The following KDM1B variants were observed in gnomAD, a reference collection of about 807,000 sequenced individuals.
KDM1B encodes lysine-specific histone demethylase 2.
In KDM1B, 63 loss-of-function variants were observed where a neutral mutation model predicts 107.4. That is an observed-to-expected ratio of 0.59 (90% confidence interval 0.48 to 0.72). The LOEUF is 0.72. Ranked by LOEUF, KDM1B falls within the 30% of genes least tolerant of loss-of-function variation. The probability of loss-of-function intolerance (pLI) is 0.00; values close to 1 mark genes in which losing one functional copy is unlikely to be tolerated. For missense variants in KDM1B, 749 were observed against 1,020.8 expected (o/e 0.73, Z 3.63); for synonymous variants, 363 against 363.9 (o/e 1.00, Z 0.03).
intron 7 of KDM1B, among the ~76,000 whole-genome samples, chr6:18,171,945 C>T (rs193155110): frequency 5.9e-5 from 9 of 152,308 alleles, no homozygotes; most frequent in African/African-American, 1.9e-4. Context: ...ATTTATATCT[C>T]ATTGGCGAGA....
Position 18,212,596 on chromosome 6 carries a change from A to G in KDM1B, c.1975A>G (p.Ile659Val). Residue 659 changes from isoleucine (I) to valine (V), a missense_variant, in exon 18 of 22, where the codon ATT becomes GTT. Coordinates refer to ENST00000650836, the MANE Select transcript of KDM1B (RefSeq NM_001364614.2). The surrounding 1 kb of genome is among the most constrained non-coding windows in gnomAD (Gnocchi z 5.2). ...KAINSLGAGI[I>V]EKIALQFPYR... ...TATCAACAGCTTAGGCGCAGGCATC[A>G]TTGAAAAGGTGACTGAAATGACCTC... 6.2e-7 allele frequency: 1 copy of G among 1,607,716 alleles called. No homozygotes were observed. The highest frequency in any genetic ancestry group is 8.5e-7 in the Non-Finnish European group (1 of 1,174,014).
At chr6:18,180,560 T>G (rs1369932022) in intron 7 of KDM1B, among the ~76,000 whole-genome samples, 1 of 152,180 alleles carries the variant, frequency 6.6e-6, no homozygotes, top group Non-Finnish European at 1.5e-5. Context: ...GCTGTGATTT[T>G]GTTGTTGTGG....
intron 7 of KDM1B, among the ~76,000 whole-genome samples, chr6:18,175,966 A>G (rs1008253332): frequency 6.6e-6 from 1 of 151,710 alleles, no homozygotes; most frequent in South Asian, 2.1e-4. Context: ...TTTTGGTTCC[A>G]TATGAGTTTT....
chr6:18,169,673 T>C (rs1429474622), intron 6 of KDM1B, among the ~76,000 whole-genome samples: 5 of 152,146 alleles, frequency 3.3e-5, no homozygotes, highest in Admixed American at 1.3e-4. Flanking sequence ...TTTTTTTCTT[T>C]TGTTGCTTTT....
At chr6:18,216,560 T>G (rs1255405671) in intron 20 of KDM1B, among the ~76,000 whole-genome samples, 1 of 152,214 alleles carries the variant, frequency 6.6e-6, no homozygotes, top group Non-Finnish European at 1.5e-5. Flanking sequence ...TCGCTCTCTC[T>G]TACTCGAGGC....
At chr6:18,220,531 G>GT (rs1422195193) in intron 21 of KDM1B, among the ~76,000 whole-genome samples, 5 of 152,164 alleles carry the variant, frequency 3.3e-5, no homozygotes, top group Non-Finnish European at 7.3e-5. Flanking sequence ...GGGAGACAGA[G>GT]TGAGACTCTT....
rs148691201 is a variant in KDM1B, at chr6:18,204,661, A to G, written c.1532-876A>G. ...TATAAAGGAATGTAAGACAAAAATG[A>G]TATCACAGGGCTGTGTCCATATAGT... is the stretch of plus-strand genomic sequence containing the variant. On this transcript the variant is annotated intron_variant, in intron 14 of 21. Transcript: ENST00000650836. The surrounding 1 kb of genome is among the most constrained non-coding windows in gnomAD (Gnocchi z 4.9). Among the ~76,000 whole-genome samples, 5 of 152,340 alleles carry G rather than the reference A, an allele frequency of 3.3e-5. No homozygotes were observed. Among genetic ancestry groups the G allele is most frequent in the African/African-American group, 4.8e-5 (2 of 41,588 alleles).
rs994822087 is a variant in KDM1B, at chr6:18,172,088, G to T, written c.534+609G>T. Among the ~76,000 whole-genome samples, 1 of 152,138 alleles carries T rather than the reference G, an allele frequency of 6.6e-6. No individual in the cohort carries two copies. Among genetic ancestry groups the T allele is most frequent in the Admixed American group, 6.5e-5 (1 of 15,270 alleles). Reference sequence around the variant, plus strand: ...AGGACAGAGGAAGAAAATATTTTACGACTGAGGATGTTGCAACACTAAACA... The same window carrying T: ...AGGACAGAGGAAGAAAATATTTTACTACTGAGGATGTTGCAACACTAAACA... On this transcript the variant is annotated intron_variant, in intron 7 of 21. Transcript: ENST00000650836. This position sits in a 1 kb window ranked among gnomAD's most constrained non-coding sequence, Gnocchi z 5.2.
Position 18,191,468 on chromosome 6 carries a change from T to A in KDM1B, c.969+87T>A. On this transcript the variant is annotated intron_variant, in intron 10 of 21. Coordinates refer to ENST00000650836, the MANE Select transcript of KDM1B (RefSeq NM_001364614.2). The surrounding 1 kb of genome is among the most constrained non-coding windows in gnomAD (Gnocchi z 5.1). ...GATACTTCATCTGGGGATGGAACCT[T>A]TTATGCCAGGGTTTCTCAGCCGTGC... 4 of 1,368,940 alleles carry A rather than the reference T, an allele frequency of 2.9e-6. No individual in the cohort carries two copies. The highest frequency in any genetic ancestry group is 3.9e-6 in the Non-Finnish European group (4 of 1,014,930). The allele number at this position is 1,368,940 out of a possible 1,614,324, so 84.8% of individuals were successfully genotyped here. A position where few individuals can be genotyped will look rare whatever the true frequency, so the allele number is the denominator to read the frequency against.
In KDM1B at chr6:18,213,912, G is replaced by A; in HGVS notation, c.2109+131G>A. On this transcript the variant is annotated intron_variant, in intron 19 of 21. Coordinates refer to ENST00000650836, the MANE Select transcript of KDM1B (RefSeq NM_001364614.2). The surrounding 1 kb of genome is among the most constrained non-coding windows in gnomAD (Gnocchi z 5.9). ...ACCCTGGGTCTATGTTTATATTCTGGGAGGACACTTGGACTGGACATTTTC... is the reference window on the plus strand; with the variant it reads ...ACCCTGGGTCTATGTTTATATTCTGAGAGGACACTTGGACTGGACATTTTC... 6 of 1,002,008 alleles carry A rather than the reference G, an allele frequency of 6.0e-6. No individual in the cohort carries two copies. Among genetic ancestry groups the A allele is most frequent in the Non-Finnish European group, 9.0e-6 (6 of 667,326 alleles). 62.1% of individuals were successfully genotyped at this position (1,002,008 alleles called of 1,614,324 possible). A position where few individuals can be genotyped will look rare whatever the true frequency, so the allele number is the denominator to read the frequency against.
chr6:18,185,055 A>G (rs1224947357), intron 7 of KDM1B, among the ~76,000 whole-genome samples: 1 of 152,004 alleles, frequency 6.6e-6, no homozygotes, highest in Non-Finnish European at 1.5e-5. Flanking sequence ...TTGAATACAA[A>G]TAATGCTCCT....
Position 18,200,536 on chromosome 6 carries a change from A to G in KDM1B, c.1319A>G (p.Asn440Ser), listed in dbSNP as rs1204025281. The change falls in exon 13 of 22, where the codon AAT becomes AGT. Residue 440 changes from asparagine to serine, a missense_variant. Asn to Ser is a conservative substitution (Grantham distance 46). Coordinates refer to ENST00000650836, the MANE Select transcript of KDM1B (RefSeq NM_001364614.2). This position sits in a 1 kb window ranked among gnomAD's most constrained non-coding sequence, Gnocchi z 4.3. ...GTGGGAAGAGGAGCTCAGATTGTCAATGGGTGTATTAACAACCCAGTAGCA... is the reference window on the plus strand; with the variant it reads ...GTGGGAAGAGGAGCTCAGATTGTCAGTGGGTGTATTAACAACCCAGTAGCA... The part of the protein sequence containing the change: ...VTVGRGAQIV[N>S]GCINNPVALM... 3.7e-6 allele frequency: 6 copies of G among 1,613,980 alleles called. No homozygotes were observed. The highest frequency in any genetic ancestry group is 1.7e-5 in the Admixed American group (1 of 60,014).
At chr6:18,217,584 A>G (rs1561958849) in intron 20 of KDM1B, 149 bp from the exon 21 acceptor site, 12 of 582,696 alleles carry the variant, frequency 2.1e-5, no homozygotes, top group Middle Eastern at 8.8e-4. Context: ...TCACCGTGTT[A>G]GCCAGGATCG....
chr6:18,167,621 A>C (rs968029945), intron 6 of KDM1B, among the ~76,000 whole-genome samples: 1 of 150,914 alleles, frequency 6.6e-6, no homozygotes, highest in Admixed American at 6.6e-5. Flanking sequence ...CTCTCCGCAC[A>C]TGCTACCACG....
chr6:18,168,102 G>A (rs1256153038), intron 6 of KDM1B, among the ~76,000 whole-genome samples: 1 of 152,120 alleles, frequency 6.6e-6, no homozygotes, highest in Non-Finnish European at 1.5e-5. Context: ...GCTGAGCTTT[G>A]TGCACGCTTA....
chr6:18,202,813 A>G (rs903478865), intron 14 of KDM1B, among the ~76,000 whole-genome samples: 30 of 152,132 alleles, frequency 2.0e-4, no homozygotes, highest in Admixed American at 1.4e-3. Context: ...GCAACCCACC[A>G]CCTCTAGGAG....
rs1787728677 is a variant in KDM1B at position 18,197,548 on chromosome 6, A to G, written c.1147-39A>G. The G allele has an allele frequency of 1.3e-6, 2 of 1,502,486 alleles. No homozygotes were observed. The highest frequency in any genetic ancestry group is 1.9e-6 in the Non-Finnish European group (2 of 1,080,468). The allele number at this position is 1,502,486 out of a possible 1,614,324, so 93.1% of individuals were successfully genotyped here. A position where few individuals can be genotyped will look rare whatever the true frequency, so the allele number is the denominator to read the frequency against. ...ACAACTAAAACAGGACGTTGTTATC[A>G]TCTGCTCTAATTGGACTTTTGTTTC... is the stretch of plus-strand genomic sequence containing the variant. On this transcript the variant is annotated intron_variant, in intron 11 of 21. Coordinates refer to ENST00000650836, the MANE Select transcript of KDM1B (RefSeq NM_001364614.2). This position sits in a 1 kb window ranked among gnomAD's most constrained non-coding sequence, Gnocchi z 4.5.
rs190376434 is a variant in KDM1B at position 18,215,260 on chromosome 6, A to T, written c.2232+131A>T. On this transcript the variant is annotated intron_variant, in intron 20 of 21. Transcript: ENST00000650836. Reference sequence around the variant, plus strand: ...CAGAGGCCACAGTCTTCTTTCTTTCAGAGTCCCACTGCCCACCTCAGCACT... The same window carrying T: ...CAGAGGCCACAGTCTTCTTTCTTTCTGAGTCCCACTGCCCACCTCAGCACT... 757 of 1,043,702 alleles carry T rather than the reference A, an allele frequency of 7.3e-4. 4 individuals are homozygous for T. In the African/African-American group the frequency reaches 0.011, roughly 15 times the overall value. 64.7% of individuals were successfully genotyped at this position (1,043,702 alleles called of 1,614,324 possible).
intron 9 of KDM1B, among the ~76,000 whole-genome samples, chr6:18,188,627 T>G (rs1787050438): frequency 6.6e-6 from 1 of 152,130 alleles, no homozygotes; most frequent in South Asian, 2.1e-4. Flanking sequence ...TTTATTTTAT[T>G]TTTTGAGATG....
Sources: allele counts gnomAD v4.1 joint callset (sites outside exome capture counted in the v4.1 genomes callset), GRCh38; gene constraint gnomAD v4.1.1; non-coding constraint Gnocchi (gnomAD v3.1); transcripts MANE v1.5; gene names NCBI Gene and HGNC (gene_info 2026-07-23, HGNC 2026-07-21).